Variants in ACER2 observed in about 807,000 individuals in gnomAD.
ACER2 encodes alkCDase 2.
ACER2 carries 26 observed loss-of-function variants against 34.7 expected under a neutral mutation model. The ratio of observed to expected loss-of-function variants is 0.75; its 90% CI spans 0.55 to 1.04. The LOEUF is 1.04. Among genes scored for constraint, ACER2 ranks in the 50% least tolerant of loss-of-function variants. The probability of loss-of-function intolerance (pLI) is 0.00; values close to 1 mark genes in which losing one functional copy is unlikely to be tolerated. For missense variants in ACER2, 352 were observed against 340.8 expected, an observed-to-expected ratio of 1.03 and a Z score of -0.26; for synonymous variants, 138 against 132.1, an observed-to-expected ratio of 1.04 and a Z score of -0.31.
At position 19,446,686 on chromosome 9, in the gene ACER2, G is replaced by A. The variant is rs144513369; in HGVS notation, c.641+268G>A. On this transcript the variant is annotated intron_variant, in intron 5 of 5. Transcript: ENST00000340967. The stretch of plus-strand genomic sequence containing the variant: ...TTTTACCTCTAACTCCATTATTAAA[G>A]CCTAAAGGAGCTTGAGAACTGAACC... 1,059 of 953,854 alleles carry A rather than the reference G, an allele frequency of 1.1e-3. 12 individuals carry two copies. The African/African-American group carries it at 0.017, about 15-fold the overall frequency. 59.1% of individuals were successfully genotyped at this position (953,854 alleles called of 1,614,324 possible).
intron 1 of ACER2, among the ~76,000 whole-genome samples, chr9:19,421,508 A>G (rs1283743028): frequency 6.6e-6 from 1 of 152,252 alleles, no homozygotes; most frequent in Non-Finnish European, 1.5e-5. Flanking sequence ...CATATATTGT[A>G]TGATTCCATT....
intron 4 of ACER2, among the ~76,000 whole-genome samples, chr9:19,435,627 C>G (rs1445493190): frequency 2.6e-5 from 4 of 152,118 alleles, no homozygotes; most frequent in Non-Finnish European, 5.9e-5. Flanking sequence ...TGGTGGGCAC[C>G]TGTAATCCCA....
chr9:19,437,820 A>G (rs1316031000), intron 4 of ACER2, among the ~76,000 whole-genome samples: 1 of 152,160 alleles, frequency 6.6e-6, no homozygotes, highest in Non-Finnish European at 1.5e-5. Context: ...TTATCCCCTC[A>G]ACCAGATGTA....
chr9:19,428,091 CTCTCTTTCTT>C (rs1830636935), intron 3 of ACER2, among the ~76,000 whole-genome samples: 1 of 124,560 alleles, frequency 8.0e-6, no homozygotes, highest in Admixed American at 1.0e-4. Context: ...CTCTCTCTCT[CTCTCTTTCTT>C]TCTCTTTCTT....
chr9:19,441,013 A>C (rs1470309847), intron 4 of ACER2, among the ~76,000 whole-genome samples: 1 of 150,800 alleles, frequency 6.6e-6, no homozygotes, highest in Non-Finnish European at 1.5e-5. Flanking sequence ...CCTTCCCCAA[A>C]CATGCCATTT....
chr9:19,445,590 A>G (rs186053090), intron 4 of ACER2, among the ~76,000 whole-genome samples: 2 of 152,332 alleles, frequency 1.3e-5, no homozygotes, highest in East Asian at 1.9e-4. Context: ...GTGAGGGAAG[A>G]GCATTCCAGG....
In ACER2 at chr9:19,421,291, CAT is replaced by C. The variant is rs1398394987; in HGVS notation, c.109-2568_109-2567del. ...TATCACATTGATGATTAAGTTTTAA[CAT>C]ATGAATTTTGTGTGTGGGGGTGACA... On this transcript the variant is annotated intron_variant, in intron 1 of 5. Transcript: ENST00000340967. Among the ~76,000 whole-genome samples the C allele has an allele frequency of 5.9e-5, 9 of 152,252 alleles. No individual in the cohort carries two copies. The South Asian group carries it at 1.0e-3, about 18-fold the overall frequency.
At chr9:19,411,249 C>A (rs1206008647) in intron 1 of ACER2, among the ~76,000 whole-genome samples, 1 of 152,176 alleles carries the variant, frequency 6.6e-6, no homozygotes, top group Non-Finnish European at 1.5e-5. Context: ...AACTTTATTC[C>A]TTGGAATACT....
At chr9:19,447,197 T>G (rs1348777762) in intron 5 of ACER2, among the ~76,000 whole-genome samples, 1 of 152,190 alleles carries the variant, frequency 6.6e-6, no homozygotes, top group Non-Finnish European at 1.5e-5. Flanking sequence ...AGGAGAAATC[T>G]GCTGTAGGTT....
At chr9:19,446,025 C>T (rs549468895) in intron 4 of ACER2, among the ~76,000 whole-genome samples, 5 of 152,152 alleles carry the variant, frequency 3.3e-5, no homozygotes, top group African/African-American at 4.8e-5. Context: ...TTAGGGTGCT[C>T]GTGTCAAAAA....
At chr9:19,433,229 A>G (rs1395771877) in intron 3 of ACER2, among the ~76,000 whole-genome samples, 1 of 142,740 alleles carries the variant, frequency 7.0e-6, no homozygotes, top group Non-Finnish European at 1.5e-5. Flanking sequence ...TCATAGGACA[A>G]TAGTGGAGGG....
At chr9:19,440,138 G>A (rs10114121) in intron 4 of ACER2, among the ~76,000 whole-genome samples, 19,656 of 151,976 alleles carry the variant, frequency 0.13, 1,529 homozygotes, top group South Asian at 0.27. Context: ...TTATTCTCTC[G>A]GCTGCTCGCC....
intron 5 of ACER2, among the ~76,000 whole-genome samples, chr9:19,448,389 A>G (rs796933984): frequency 5.6e-4 from 85 of 152,272 alleles, no homozygotes; most frequent in African/African-American, 1.9e-3. Context: ...TTCCATACCA[A>G]TACATATATA....
At chr9:19,438,598 C>G (rs1299680403) in intron 4 of ACER2, among the ~76,000 whole-genome samples, 1 of 152,168 alleles carries the variant, frequency 6.6e-6, no homozygotes, top group Non-Finnish European at 1.5e-5. Flanking sequence ...GAAATGATTT[C>G]CATTTGTAGC....
At chr9:19,434,836 A>G (rs1830908124) in intron 3 of ACER2, 111 bp from the exon 4 acceptor site, 2 of 1,417,274 alleles carry the variant, frequency 1.4e-6, no homozygotes, top group East Asian at 2.3e-5. Flanking sequence ...TTAGCGCAGA[A>G]TTTCTTTTCA....
At chr9:19,409,687 C>A in intron 1 of ACER2, 1 of 964,538 alleles carries the variant, frequency 1.0e-6, no homozygotes, top group Non-Finnish European at 1.2e-6. Context: ...CAGACTTGCC[C>A]CACCCCCAAG....
Position 19,451,797 on chromosome 9 carries a change from C to G in ACER2, c.*1161C>G, listed in dbSNP as rs931426466. 2 of 152,192 alleles carry G rather than the reference C, an allele frequency of 1.3e-5. No homozygotes were observed. The highest frequency in any genetic ancestry group is 2.9e-5 in the Non-Finnish European group (2 of 68,048). 9.4% of individuals were successfully genotyped at this position (152,192 alleles called of 1,614,324 possible). On this transcript the variant is annotated 3_prime_UTR_variant, in exon 6 of 6. Transcript: ENST00000340967. ...CATGAAGTTTTTGGAAACGTTTTCTCATTTGAAGCCTCCAGTATGCTGTAC... is the reference window on the plus strand; with the variant it reads ...CATGAAGTTTTTGGAAACGTTTTCTGATTTGAAGCCTCCAGTATGCTGTAC...
chr9:19,438,865 A>G (rs1323413610), intron 4 of ACER2, among the ~76,000 whole-genome samples: 1 of 152,136 alleles, frequency 6.6e-6, no homozygotes, highest in Admixed American at 6.5e-5. Context: ...AGCTCATTGC[A>G]TCTTCGAACT....
chr9:19,440,111 C>G (rs764240245), intron 4 of ACER2, among the ~76,000 whole-genome samples: 2 of 152,308 alleles, frequency 1.3e-5, no homozygotes, highest in Non-Finnish European at 1.5e-5. Context: ...TTTTCAGACC[C>G]CCCTGTATCT....
Sources: allele counts gnomAD v4.1 joint callset (sites outside exome capture counted in the v4.1 genomes callset), GRCh38; gene constraint gnomAD v4.1.1; transcripts MANE v1.5; gene names NCBI Gene and HGNC (gene_info 2026-07-23, HGNC 2026-07-21).